PRPS1: variants seen among roughly 807,000 people sequenced by gnomAD.
PRPS1 encodes ribose-phosphate pyrophosphokinase 1.
In PRPS1, 1 loss-of-function variant was observed where a neutral mutation model predicts 16.9. That is an observed-to-expected ratio of 0.06 (90% CI 0.02 to 0.28). PRPS1 has a LOEUF of 0.28. Among genes scored for constraint, PRPS1 ranks in the 10% least tolerant of loss-of-function variants. PRPS1 has a pLI of 1.00. For synonymous variants in PRPS1, 70 were observed against 90.2 expected (o/e 0.78, Z 1.27); for missense variants, 47 against 254.0 (o/e 0.19, Z 5.54).
chrX:107,649,826 GT>G, intron 6 of PRPS1, 113 bp from the exon 7 acceptor site: 1 of 1,145,730 alleles, frequency 8.7e-7, no homozygotes, highest in Non-Finnish European at 1.2e-6. Context: ...AAACAGCACA[GT>G]GTTGCAGTTT....
rs1925267578 is a variant in PRPS1, at chrX:107,629,732, G to A, written c.122+982G>A. ...TCGACTCCGACTTACACCCTCTACC[G>A]GCACCATGGGACTGTTTTAGAGATG... On this transcript the variant is annotated intron_variant, in intron 1 of 6. Coordinates refer to ENST00000372435, the MANE Select transcript of PRPS1 (RefSeq NM_002764.4). 9.0e-5 allele frequency among the ~76,000 whole-genome samples: 10 copies of A among 111,602 alleles called. No individual in the cohort carries two copies. In the Admixed American group the frequency reaches 9.6e-4, roughly 11 times the overall value.
At position 107,640,943 on chromosome X, in the gene PRPS1, A is replaced by G. The variant is rs774382720; in HGVS notation, c.348A>G (p.Leu116=). 7.4e-6 allele frequency: 9 copies of G among 1,211,863 alleles called. No homozygotes were observed. In the Admixed American group the frequency reaches 1.3e-4, roughly 18 times the overall value. Residue 116 remains leucine (L), a synonymous_variant, in exon 3 of 7, where the codon CTA becomes CTG. Coordinates refer to ENST00000372435, the MANE Select transcript of PRPS1 (RefSeq NM_002764.4). ...CAGCCAAGCTTGTTGCAAATATGCTATCTGTAGCAGGTGCAGATCATATTA... is the reference window on the plus strand; with the variant it reads ...CAGCCAAGCTTGTTGCAAATATGCTGTCTGTAGCAGGTGCAGATCATATTA... ...PISAKLVANM[L]SVAGADHIIT...
chrX:107,628,841 C>G, intron 1 of PRPS1, 91 bp downstream of exon 1: 1 of 1,155,567 alleles, frequency 8.7e-7, no homozygotes, highest in Admixed American at 2.3e-5. Context: ...CTCAAACAGA[C>G]TGGGGGTTGG....
intron 1 of PRPS1, among the ~76,000 whole-genome samples, chrX:107,633,358 C>T (rs1016243974): frequency 3.9e-5 from 4 of 101,902 alleles, no homozygotes; most frequent in Non-Finnish European, 5.9e-5. Context: ...GGAGGCGGAG[C>T]TTGCAGTGAG....
chrX:107,628,801 A>G, intron 1 of PRPS1, 51 bp downstream of exon 1: 2 of 1,207,948 alleles, frequency 1.7e-6, no homozygotes, highest in Non-Finnish European at 2.2e-6. Flanking sequence ...CAGGCGGCAG[A>G]GTATAGGAGG....
intron 4 of PRPS1, among the ~76,000 whole-genome samples, 153 bp from the exon 5 acceptor site, chrX:107,645,024 C>T (rs1717399245): frequency 9.0e-6 from 1 of 111,593 alleles, no homozygotes; most frequent in African/African-American, 3.3e-5. Context: ...CTGTGTTAGC[C>T]AGGATGGTCT....
At chrX:107,631,840 C>T (rs1280451592) in intron 1 of PRPS1, among the ~76,000 whole-genome samples, 1 of 111,878 alleles carries the variant, frequency 8.9e-6, no homozygotes, top group Non-Finnish European at 1.9e-5. Context: ...GCACGTGCCA[C>T]CACGCCCAGC....
chrX:107,634,259 G>C (rs1174515862), intron 1 of PRPS1, among the ~76,000 whole-genome samples: 1 of 110,096 alleles, frequency 9.1e-6, no homozygotes, highest in African/African-American at 3.3e-5. Context: ...CTGTCTCCCA[G>C]GCTGGAGTGC....
At chrX:107,638,776 A>T (rs1925502669) in intron 1 of PRPS1, among the ~76,000 whole-genome samples, 1 of 110,730 alleles carries the variant, frequency 9.0e-6, no homozygotes, top group Non-Finnish European at 1.9e-5. Context: ...TCTGTTGCCC[A>T]GGCTGGAGTG....
intron 4 of PRPS1, among the ~76,000 whole-genome samples, chrX:107,644,960 G>A (rs915507830): frequency 1.8e-5 from 2 of 110,819 alleles, no homozygotes; most frequent in African/African-American, 6.6e-5. Context: ...GACTACAGGC[G>A]CCCGCCACCA....
intron 4 of PRPS1, 116 bp downstream of exon 4, chrX:107,642,606 T>A: frequency 1.1e-6 from 1 of 940,093 alleles, no homozygotes; most frequent in Non-Finnish European, 1.5e-6. Flanking sequence ...TGAATGGATG[T>A]AAGTAGCTAG....
chrX:107,650,910 T>G lies in PRPS1; in HGVS notation c.*878T>G, dbSNP rs1925815265. ...TTTTGATTAATTTAAGTATTTAATT[T>G]TCATCTTCCTTCTTTGGATCTATTT... On this transcript the variant is annotated 3_prime_UTR_variant, in exon 7 of 7. Transcript: ENST00000372435. The G allele has an allele frequency of 3.8e-6, 1 of 264,069 alleles. No individual in the cohort carries two copies. The highest frequency in any genetic ancestry group is 6.7e-6 in the Non-Finnish European group (1 of 150,157). The allele number at this position is 264,069 out of a possible 1,213,427, so 21.8% of individuals were successfully genotyped here.
intron 2 of PRPS1, among the ~76,000 whole-genome samples, chrX:107,639,750 C>T (rs1925530063): frequency 9.0e-6 from 1 of 111,439 alleles, no homozygotes; most frequent in Non-Finnish European, 1.9e-5. Context: ...GCACCAACTC[C>T]TCTGGAGTAC....
intron 4 of PRPS1, among the ~76,000 whole-genome samples, chrX:107,643,655 AC>A (rs1425925006): frequency 9.0e-6 from 1 of 111,532 alleles, no homozygotes; most frequent in East Asian, 2.8e-4. Context: ...GTAGAGAGTT[AC>A]TTTTTCTAGC....
chrX:107,631,946 C>T (rs1484313672), intron 1 of PRPS1, among the ~76,000 whole-genome samples: 2 of 112,686 alleles, frequency 1.8e-5, no homozygotes, highest in African/African-American at 6.4e-5. Context: ...ACCTTGGCCT[C>T]CCAAAGTGCT....
intron 4 of PRPS1, 129 bp downstream of exon 4, chrX:107,642,619 C>T: frequency 1.2e-6 from 1 of 854,199 alleles, no homozygotes; most frequent in Non-Finnish European, 1.7e-6. Flanking sequence ...GTAGCTAGCA[C>T]ATGGGTTGAA....
chrX:107,632,673 T>C (rs1925333441), intron 1 of PRPS1, among the ~76,000 whole-genome samples: 1 of 112,566 alleles, frequency 8.9e-6, no homozygotes. Context: ...AATTGCTGAA[T>C]TAGGTTTTTC....
rs151295141 is a variant in PRPS1 at position 107,645,103 on chromosome X, C to T, written c.531-74C>T. On this transcript the variant is annotated intron_variant, in intron 4 of 6. Coordinates refer to ENST00000372435, the MANE Select transcript of PRPS1 (RefSeq NM_002764.4). Reference sequence around the variant, plus strand: ...TGCTGGGATTACAGGCGTGAGCCACCGCCCCCGGCCTCTTTAGTCCATTTC... The same window carrying T: ...TGCTGGGATTACAGGCGTGAGCCACTGCCCCCGGCCTCTTTAGTCCATTTC... The T allele has an allele frequency of 0.26, 299,901 of 1,153,365 alleles. 30,793 individuals are homozygous for T. Among genetic ancestry groups the T allele is most frequent in the Non-Finnish European group, 0.3 (257,316 of 844,531 alleles).
At chrX:107,648,015 G>T (rs1462772991) in intron 6 of PRPS1, among the ~76,000 whole-genome samples, 1 of 111,246 alleles carries the variant, frequency 9.0e-6, no homozygotes, top group Admixed American at 9.6e-5. Flanking sequence ...CAGAATCTCT[G>T]GAAGATGGAG....
Sources: gnomAD v4.1 joint callset for allele counts (sites outside exome capture counted in the v4.1 genomes callset) on GRCh38, gnomAD v4.1.1 for gene constraint, MANE v1.5 for transcripts, NCBI Gene and HGNC (gene_info 2026-07-23, HGNC 2026-07-21) for gene names.